The following C5 variants were observed in gnomAD, a reference collection of about 807,000 sequenced individuals.
C5 encodes complement C5, also known as C3 and PZP-like alpha-2-macroglobulin domain-containing protein 4.
In C5, 140 loss-of-function variants were observed where a neutral mutation model predicts 218.8. The ratio of observed to expected loss-of-function variants is 0.64; its 90% CI spans 0.56 to 0.74. The LOEUF (loss-of-function observed/expected upper bound fraction) is 0.74, where lower values mean the gene tolerates loss of function less well. Ranked by LOEUF, C5 falls within the 30% of genes least tolerant of loss-of-function variation. C5 has a pLI of 0.00. For missense variants in C5, 1,700 were observed against 1,969.6 expected, an observed-to-expected ratio of 0.86 and a Z score of 2.59; for synonymous variants, 614 against 682.3, an observed-to-expected ratio of 0.90 and a Z score of 1.56.
At position 120,992,131 on chromosome 9, in the gene C5, C is replaced by T. The variant is rs370100160; in HGVS notation, c.2852-851G>A. Among the ~76,000 whole-genome samples the T allele has an allele frequency of 7.9e-5, 12 of 152,342 alleles. No homozygotes were observed. In the East Asian group the frequency reaches 9.6e-4, roughly 12 times the overall value. ...TCTCATTCCAGCTGTAGTCCTGGCACTTAGCACAGACCCTGGCATATGGAA... is the reference window on the plus strand; with the variant it reads ...TCTCATTCCAGCTGTAGTCCTGGCATTTAGCACAGACCCTGGCATATGGAA... On this transcript the variant is annotated intron_variant, in intron 22 of 40. Coordinates refer to ENST00000223642, the MANE Select transcript of C5 (RefSeq NM_001735.3).
intron 3 of C5, among the ~76,000 whole-genome samples, chr9:121,039,339 T>A (rs2047556868): frequency 1.3e-5 from 2 of 152,182 alleles, no homozygotes; most frequent in African/African-American, 4.8e-5. Flanking sequence ...ATTTTTTGTA[T>A]AAAAGATATG....
At chr9:121,048,662 C>A (rs1298895291) in intron 1 of C5, among the ~76,000 whole-genome samples, 1 of 152,194 alleles carries the variant, frequency 6.6e-6, no homozygotes, top group East Asian at 1.9e-4. Flanking sequence ...TGGAACCACC[C>A]TTTATAAAGA....
intron 28 of C5, among the ~76,000 whole-genome samples, chr9:120,978,144 G>A (rs561419455): frequency 3.3e-5 from 5 of 151,920 alleles, no homozygotes; most frequent in Non-Finnish European, 7.4e-5. Context: ...AAGCACTCAA[G>A]ACAATTTCGT....
chr9:120,960,285 T>A lies in C5; in HGVS notation c.4641A>T (p.Thr1547=), dbSNP rs758713555. The A allele has an allele frequency of 9.9e-6, 16 of 1,613,576 alleles. No individual in the cohort carries two copies. The highest frequency in any genetic ancestry group is 1.4e-5 in the Non-Finnish European group (16 of 1,179,798). ...CTGGTTTACATGCTGTTTGTTTTCT[T>A]GTCTCTGCAGAGATTGTCAGATCCA... ...EELDLTISAE[T]RKQTACKPEI... Residue 1547 remains threonine (T), a synonymous_variant, in exon 38 of 41, where the codon ACA becomes ACT. Coordinates refer to ENST00000223642, the MANE Select transcript of C5 (RefSeq NM_001735.3).
chr9:121,046,380 A>AT lies in C5; in HGVS notation c.68dup (p.Tyr23Ter), dbSNP rs759960744. 24 of 1,608,964 alleles carry AT rather than the reference A, an allele frequency of 1.5e-5. No homozygotes were observed. The highest frequency in any genetic ancestry group is 2.0e-5 in the Non-Finnish European group (23 of 1,175,686). Residue 23 changes from tyrosine (Y) to a stop codon, truncating the protein, a stop_gained and frameshift_variant, in exon 2 of 41, where the codon TAT (tyrosine) becomes TAAT (stop). Coordinates refer to ENST00000223642, the MANE Select transcript of C5 (RefSeq NM_001735.3). LOFTEE classifies it high-confidence loss of function. ...GGAATATTTTTGGTGCTGAAATGAC[A>AT]TATCTGTTGAAAAAGGAAAAGATAA... ...LGKTWGQEQT[Y>*]VISAPKIFRV...
At chr9:121,018,458 C>T (rs1201908649) in intron 12 of C5, among the ~76,000 whole-genome samples, 1 of 151,054 alleles carries the variant, frequency 6.6e-6, no homozygotes, top group African/African-American at 2.4e-5. Flanking sequence ...TATGTAATCC[C>T]AGCTACTCGG....
chr9:120,982,483 C>T (rs2047002201), intron 26 of C5, among the ~76,000 whole-genome samples, 172 bp downstream of exon 26: 2 of 152,196 alleles, frequency 1.3e-5, no homozygotes, highest in Admixed American at 1.3e-4. Context: ...GTCTGAAGAT[C>T]GCTTCACTTC....
intron 38 of C5, among the ~76,000 whole-genome samples, chr9:120,957,874 C>T (rs1290456361): frequency 3.3e-5 from 5 of 152,200 alleles, no homozygotes; most frequent in African/African-American, 1.2e-4. Flanking sequence ...TTCTCACTCA[C>T]CCTTGCTTGG....
At chr9:120,962,629 C>T (rs1564131857) in intron 36 of C5, 42 bp downstream of exon 36, 1 of 1,397,708 alleles carries the variant, frequency 7.2e-7, no homozygotes, top group Non-Finnish European at 1.0e-6. Context: ...GGAAAGAATA[C>T]AAAGTATTCT....
At chr9:121,029,284 T>A (rs1306180146) in intron 7 of C5, among the ~76,000 whole-genome samples, 1 of 152,216 alleles carries the variant, frequency 6.6e-6, no homozygotes, top group Non-Finnish European at 1.5e-5. Context: ...TAATAAACAC[T>A]CTATTTTTCA....
intron 2 of C5, among the ~76,000 whole-genome samples, chr9:121,044,232 T>C (rs976032036): frequency 1.3e-5 from 2 of 152,156 alleles, no homozygotes; most frequent in African/African-American, 2.4e-5. Flanking sequence ...CCCAGCACTT[T>C]GGGAGGCCGA....
At chr9:121,074,725 T>TC in the C5 span, 6 of 441,120 alleles carry the variant, frequency 1.4e-5, no homozygotes, top group Non-Finnish European at 2.7e-5. Context: ...AAACCTCGGC[T>TC]CCCCCTGACT....
intron 22 of C5, among the ~76,000 whole-genome samples, chr9:120,992,649 G>T (rs372848311): frequency 1.1e-4 from 16 of 152,246 alleles, no homozygotes; most frequent in African/African-American, 3.9e-4. Flanking sequence ...TTAAAACTAA[G>T]AGAAGTTAAT....
rs760145865 is a variant in C5, at chr9:121,043,043, T to C, written c.382A>G (p.Ile128Val). ...PITYDNGFLF[I>V]HTDKPVYTPD... The stretch of plus-strand genomic sequence containing the variant: ...GTATAAACAGGTTTGTCTGTATGAA[T>C]GAAGAGAAATCCATTGTCATAGGTT... The change falls in exon 3 of 41, where the codon ATT (isoleucine) becomes GTT (valine). Residue 128 changes from isoleucine to valine, a missense_variant. Coordinates refer to ENST00000223642, the MANE Select transcript of C5 (RefSeq NM_001735.3). 3.1e-6 allele frequency: 5 copies of C among 1,613,122 alleles called. No homozygotes were observed. Among genetic ancestry groups the C allele is most frequent in the Non-Finnish European group, 3.4e-6 (4 of 1,179,302 alleles).
At chr9:121,024,383 G>C (rs2047401291) in intron 9 of C5, among the ~76,000 whole-genome samples, 2 of 136,766 alleles carry the variant, frequency 1.5e-5, no homozygotes, top group African/African-American at 2.7e-5. Context: ...GAGGGAAGGG[G>C]ACATGACCAG....
At chr9:120,994,474 T>G (rs2047101124) in intron 22 of C5, among the ~76,000 whole-genome samples, 1 of 152,028 alleles carries the variant, frequency 6.6e-6, no homozygotes, top group East Asian at 1.9e-4. Flanking sequence ...TCCCAGCTAT[T>G]CCAGAGGCTG....
At chr9:121,071,509 A>T in the C5 span, among the ~76,000 whole-genome samples, 1 of 152,052 alleles carries the variant, frequency 6.6e-6, no homozygotes, top group Non-Finnish European at 1.5e-5. Flanking sequence ...ACACAGCAAG[A>T]CCCCATCTTT....
intron 22 of C5, among the ~76,000 whole-genome samples, chr9:120,993,702 G>A (rs2047095201): frequency 6.6e-6 from 1 of 152,238 alleles, no homozygotes; most frequent in Admixed American, 6.5e-5. Context: ...GATTACAGGC[G>A]TGAGCCACCG....
chr9:120,969,204 T>TA, intron 32 of C5, 86 bp from the exon 33 acceptor site: 1 of 1,042,408 alleles, frequency 9.6e-7, no homozygotes, highest in Non-Finnish European at 1.5e-6. Context: ...ACAGAATCAT[T>TA]AATGAGCAAA....
Sources: gnomAD v4.1 joint callset for allele counts (sites outside exome capture counted in the v4.1 genomes callset) on GRCh38, gnomAD v4.1.1 for gene constraint, MANE v1.5 for transcripts, NCBI Gene and HGNC (gene_info 2026-07-23, HGNC 2026-07-21) for gene names.